The following PLIN5 variants were observed in gnomAD, a reference collection of about 807,000 sequenced individuals.
PLIN5 encodes the protein perilipin 5.
In PLIN5, 34 loss-of-function variants were observed where a neutral mutation model predicts 32.8. The observed-to-expected ratio is 1.04, with a 90% CI of 0.79 to 1.38. The LOEUF (loss-of-function observed/expected upper bound fraction) is 1.38. PLIN5 is among the 40% of genes most tolerant of loss of function. PLIN5 has a pLI of 0.00. For missense variants in PLIN5, 712 were observed against 660.5 expected, an observed-to-expected ratio of 1.08 and a Z score of -0.85; for synonymous variants, 309 against 292.9, an observed-to-expected ratio of 1.05 and a Z score of -0.56.
At chr19:4,534,916 G>A (rs368899837) in intron 1 of PLIN5, among the ~76,000 whole-genome samples, 1 of 152,310 alleles carries the variant, frequency 6.6e-6, no homozygotes, top group South Asian at 2.1e-4. Flanking sequence ...GAGTTACAGG[G>A]GGGGAGCTCG....
At position 4,523,274 on chromosome 19, in the gene PLIN5, G is replaced by A. The variant is rs571123246; in HGVS notation, c.*254C>T. On this transcript the variant is annotated 3_prime_UTR_variant, in exon 8 of 8. Coordinates refer to ENST00000381848, the MANE Select transcript of PLIN5 (RefSeq NM_001013706.3). This position sits in a 1 kb window ranked among gnomAD's most constrained non-coding sequence, Gnocchi z 5.0. ...CATGGAGCCAGGGAGCAGGACATAG[G>A]TGAAGAACCCAGCTTGTGGCTCAAG... is the stretch of plus-strand genomic sequence containing the variant. 1 of 440,696 alleles carries A rather than the reference G, an allele frequency of 2.3e-6. No homozygotes were observed. The highest frequency in any genetic ancestry group is 5.9e-4 in the Middle Eastern group (1 of 1,706). The allele number at this position is 440,696 out of a possible 1,614,324, so 27.3% of individuals were successfully genotyped here. A position where few individuals can be genotyped will look rare whatever the true frequency, so the allele number is the denominator to read the frequency against.
intron 4 of PLIN5, chr19:4,529,523 C>CATATACATATATACTTATACGT: frequency 2.0e-6 from 1 of 502,226 alleles, no homozygotes; most frequent in Non-Finnish European, 3.5e-6. Context: ...TATATATACA[C>CATATACATATATACTTATACGT]ATATACATAT....
chr19:4,524,149 G>T, intron 7 of PLIN5, 64 bp from the exon 8 acceptor site: 1 of 1,370,090 alleles, frequency 7.3e-7, no homozygotes, highest in Non-Finnish European at 9.4e-7. Context: ...TCCTGCCTCG[G>T]TTTCTCTGAT....
intron 4 of PLIN5, 69 bp downstream of exon 4, chr19:4,529,715 C>T (rs554502233): frequency 8.5e-7 from 1 of 1,173,366 alleles, no homozygotes; most frequent in South Asian, 1.3e-5. Context: ...GTCACCATCC[C>T]TCCCTCCCTC....
chr19:4,535,014 A>G (rs994488177), intron 1 of PLIN5, among the ~76,000 whole-genome samples, 151 bp downstream of exon 1: 1 of 152,172 alleles, frequency 6.6e-6, no homozygotes, highest in Non-Finnish European at 1.5e-5. Context: ...CTGGGTCCTG[A>G]GCTGGGGCCA....
At chr19:4,530,221 C>T (rs963174584) in intron 3 of PLIN5, among the ~76,000 whole-genome samples, 2 of 152,104 alleles carry the variant, frequency 1.3e-5, no homozygotes, top group East Asian at 1.9e-4. Flanking sequence ...GTGGGTAGGC[C>T]GCTGGGTTGG....
intron 5 of PLIN5, among the ~76,000 whole-genome samples, chr19:4,526,418 C>T (rs547417366): frequency 6.6e-6 from 1 of 152,256 alleles, no homozygotes; most frequent in East Asian, 1.9e-4. Context: ...GACGGGGTTT[C>T]ACCATGTTGG....
At chr19:4,527,501 T>G (rs1976819275) in intron 5 of PLIN5, among the ~76,000 whole-genome samples, 1 of 125,146 alleles carries the variant, frequency 8.0e-6, no homozygotes, top group African/African-American at 3.1e-5. Flanking sequence ...ATCATATCAC[T>G]GCACTCTAGC....
rs1976887650 is a variant in PLIN5, at chr19:4,531,726, G to A, written c.157C>T (p.Leu53=). The change falls in exon 3 of 8, where the codon CTG becomes TTG. Residue 53 remains leucine (L), a synonymous_variant. Transcript: ENST00000381848. ...TCAGCCAGGCGGCAGGCGGAGCCCA[G>A]CAGCGGGTGCCTGTCCTTGGCTGCA... is the stretch of plus-strand genomic sequence containing the variant. The part of the protein sequence containing the change: ...YSAAKDRHPL[L]GSACRLAENC... 1.3e-6 allele frequency: 2 copies of A among 1,593,684 alleles called. No homozygotes were observed. The highest frequency in any genetic ancestry group is 1.7e-6 in the Non-Finnish European group (2 of 1,173,314).
In PLIN5 at chr19:4,523,576, G is replaced by C. The variant is rs1386453011; in HGVS notation, c.1344C>G (p.Thr448=). Residue 448 remains threonine, a synonymous_variant, in exon 8 of 8, where the codon ACC becomes ACG. Coordinates refer to ENST00000381848, the MANE Select transcript of PLIN5 (RefSeq NM_001013706.3). This position sits in a 1 kb window ranked among gnomAD's most constrained non-coding sequence, Gnocchi z 5.0. ...GGGTGTGCTTGACCGGGCAGCTGGGGGTCTCGGGTTCCTGCTCGCAGATGT... is the reference window on the plus strand; with the variant it reads ...GGGTGTGCTTGACCGGGCAGCTGGGCGTCTCGGGTTCCTGCTCGCAGATGT... ...AGDICEQEPE[T]PSCPVKHTLM... 1.2e-6 allele frequency: 2 copies of C among 1,600,228 alleles called. No homozygotes were observed. The highest frequency in any genetic ancestry group is 2.3e-5 in the South Asian group (2 of 88,592).
At chr19:4,533,985 T>C (rs1279611886) in intron 2 of PLIN5, 30 bp downstream of exon 2, 1 of 1,605,406 alleles carries the variant, frequency 6.2e-7, no homozygotes, top group South Asian at 1.1e-5. Flanking sequence ...ATACCTTCTG[T>C]CCCTGCTCCA....
chr19:4,531,615 C>T lies in PLIN5; in HGVS notation c.256+12G>A. Reference sequence around the variant, plus strand: ...AGCCACAGCTCCCAGGGACACGGGCCAGGGCACTCACGCTGGGGCTGCAGG... The same window carrying T: ...AGCCACAGCTCCCAGGGACACGGGCTAGGGCACTCACGCTGGGGCTGCAGG... On this transcript the variant is annotated intron_variant, in intron 3 of 7. Transcript: ENST00000381848. The T allele has an allele frequency of 6.6e-7, 1 of 1,504,538 alleles. No individual in the cohort carries two copies. The highest frequency in any genetic ancestry group is 1.3e-5 in the South Asian group (1 of 78,468). 93.2% of individuals were successfully genotyped at this position (1,504,538 alleles called of 1,614,324 possible).
intron 4 of PLIN5, 134 bp downstream of exon 4, chr19:4,529,650 C>CACACACACT: frequency 1.5e-6 from 1 of 647,752 alleles, no homozygotes; most frequent in Non-Finnish European, 2.8e-6. Context: ...CACACACACA[C>CACACACACT]GTTGCAGTTA....
At chr19:4,526,986 C>T (rs1259584222) in intron 5 of PLIN5, among the ~76,000 whole-genome samples, 2 of 152,120 alleles carry the variant, frequency 1.3e-5, no homozygotes, top group Non-Finnish European at 2.9e-5. Context: ...CCTGTAATCC[C>T]AGCACTTTGG....
rs768586149 is a variant in PLIN5 at position 4,525,754 on chromosome 19, C to T, written c.599G>A (p.Arg200His). The change falls in exon 6 of 8, where the codon CGC becomes CAC. Residue 200 changes from arginine to histidine, a missense_variant. Physicochemically the swap from Arg to His is conservative, Grantham distance 29. Transcript: ENST00000381848. This position sits in a 1 kb window ranked among gnomAD's most constrained non-coding sequence, Gnocchi z 5.6. Reference protein sequence around the residue: ...DQRRQQGYFVRLGSLSARIRH... With the variant: ...DQRRQQGYFVHLGSLSARIRH... Reference sequence around the variant, plus strand: ...GATCCGTGCTGACAGGGAGCCGAGGCGCACAAAGTAGCCCTGCTGTCTCCT... The same window carrying T: ...GATCCGTGCTGACAGGGAGCCGAGGTGCACAAAGTAGCCCTGCTGTCTCCT... 1.1e-5 allele frequency: 18 copies of T among 1,613,650 alleles called. No individual in the cohort carries two copies. The highest frequency in any genetic ancestry group is 8.9e-5 in the East Asian group (4 of 44,892).
rs1488268431 is a variant in PLIN5, at chr19:4,525,117, TGGG to T, written c.721-44_721-42del. 6.4e-6 allele frequency: 2 copies of T among 312,768 alleles called. No homozygotes were observed. Among genetic ancestry groups the T allele is most frequent in the African/African-American group, 4.6e-5 (2 of 43,590 alleles). 19.4% of individuals were successfully genotyped at this position (312,768 alleles called of 1,614,324 possible). A position where few individuals can be genotyped will look rare whatever the true frequency, so the allele number is the denominator to read the frequency against. ...TGGTGGTCTTCAGAGCTGGGGGAGCTGGGGGAGCTGGGGGTCGGGGTGGGGTCC... is the reference window on the plus strand; with the variant it reads ...TGGTGGTCTTCAGAGCTGGGGGAGCTGGAGCTGGGGGTCGGGGTGGGGTCC... On this transcript the variant is annotated intron_variant, in intron 6 of 7. Coordinates refer to ENST00000381848, the MANE Select transcript of PLIN5 (RefSeq NM_001013706.3). The surrounding 1 kb of genome is among the most constrained non-coding windows in gnomAD (Gnocchi z 5.6).
At position 4,523,439 on chromosome 19, in the gene PLIN5, A is replaced by T; in HGVS notation, c.*89T>A. On this transcript the variant is annotated 3_prime_UTR_variant, in exon 8 of 8. Transcript: ENST00000381848. This position sits in a 1 kb window ranked among gnomAD's most constrained non-coding sequence, Gnocchi z 5.0. ...TGATTCCAAAGAAGGGTCAAGGCCA[A>T]GGCCTCGAGCTTACGTGTGGCCACC... is the stretch of plus-strand genomic sequence containing the variant. 1.4e-6 allele frequency: 2 copies of T among 1,405,582 alleles called. No homozygotes were observed. Among genetic ancestry groups the T allele is most frequent in the Non-Finnish European group, 1.9e-6 (2 of 1,048,438 alleles). 87.1% of individuals were successfully genotyped at this position (1,405,582 alleles called of 1,614,324 possible).
intron 1 of PLIN5, among the ~76,000 whole-genome samples, 178 bp downstream of exon 1, chr19:4,534,987 G>A (rs1976928982): frequency 6.6e-6 from 1 of 152,228 alleles, no homozygotes; most frequent in African/African-American, 2.4e-5. Context: ...GTCCTCTGAG[G>A]CCTGGTCCTC....
chr19:4,529,316 A>G (rs1419196312), intron 4 of PLIN5, 63 bp from the exon 5 acceptor site: 1 of 1,505,234 alleles, frequency 6.6e-7, no homozygotes, highest in African/African-American at 1.4e-5. Context: ...CTGCCACCCT[A>G]GTTCCCTGGG....
Sources: gnomAD v4.1 joint callset for allele counts (sites outside exome capture counted in the v4.1 genomes callset) on GRCh38, gnomAD v4.1.1 for gene constraint, Gnocchi (gnomAD v3.1) non-coding constraint, MANE v1.5 for transcripts, NCBI Gene and HGNC (gene_info 2026-07-23, HGNC 2026-07-21) for gene names.